The following DTL variants were observed in gnomAD, a reference collection of about 807,000 sequenced individuals.
DTL encodes denticleless protein homolog.
A neutral mutation model predicts 87.0 loss-of-function variants in DTL; 46 were observed. That is an observed-to-expected ratio of 0.53 (90% CI 0.42 to 0.68). The LOEUF (loss-of-function observed/expected upper bound fraction) is 0.68, where lower values mean the gene tolerates loss of function less well. Ranked by LOEUF, DTL falls within the 30% of genes least tolerant of loss-of-function variation. DTL has a pLI of 0.00. For synonymous variants in DTL, 308 were observed against 311.2 expected (o/e 0.99, Z 0.11); for missense variants, 737 against 869.4 (o/e 0.85, Z 1.91).
chr1:212,094,600 A>G (rs1156595510), intron 13 of DTL, among the ~76,000 whole-genome samples: 1 of 152,170 alleles, frequency 6.6e-6, no homozygotes, highest in Non-Finnish European at 1.5e-5. Flanking sequence ...TTTTGGTTCC[A>G]TATGACTTTT....
At chr1:212,080,419 C>A in intron 12 of DTL, 196 bp from the exon 13 acceptor site, 1 of 498,476 alleles carries the variant, frequency 2.0e-6, no homozygotes. Flanking sequence ...ACTAAAGAGT[C>A]AGCTTTGTTG....
Position 212,052,105 on chromosome 1 carries a change from T to A in DTL, c.460+4688T>A, listed in dbSNP as rs144995147. 4,175 of 709,934 alleles carry A rather than the reference T, an allele frequency of 5.9e-3. 25 individuals carry two copies. Among genetic ancestry groups the A allele is most frequent in the Middle Eastern group, 0.012 (36 of 2,892 alleles). 44.0% of individuals were successfully genotyped at this position (709,934 alleles called of 1,614,324 possible). On this transcript the variant is annotated intron_variant, in intron 5 of 14. Coordinates refer to ENST00000366991, the MANE Select transcript of DTL (RefSeq NM_016448.4). The stretch of plus-strand genomic sequence containing the variant: ...TTTTTCCTTTCATTGCTAAAGTTGT[T>A]CCACTATCATCTCTGCTTTCATTGA...
intron 13 of DTL, among the ~76,000 whole-genome samples, chr1:212,085,141 A>G (rs1234391211): frequency 1.3e-5 from 2 of 152,160 alleles, no homozygotes; most frequent in Admixed American, 6.5e-5. Context: ...AATATTTTCA[A>G]TTTGTAGTCA....
intron 13 of DTL, among the ~76,000 whole-genome samples, chr1:212,094,049 G>T (rs981590104): frequency 1.3e-5 from 2 of 152,188 alleles, no homozygotes. Flanking sequence ...CACTCTGTGG[G>T]TTCTTTGTTT....
chr1:212,100,725 G>A lies in DTL; in HGVS notation c.1735G>A (p.Gly579Ser), dbSNP rs752999076. ...TTGTAACTGTGTGACTGAGCTTGAT[G>A]GCCAAGTTGAAAATCTTCATTTGGA... ...KSCNCVTELD[G>S]QVENLHLDLC... Residue 579 changes from glycine to serine, a missense_variant, in exon 14 of 15, where the codon GGC (glycine) becomes AGC (serine). By Grantham distance (56) the Gly-to-Ser change is moderately conservative. Transcript: ENST00000366991. The A allele has an allele frequency of 3.1e-6, 5 of 1,614,118 alleles. No homozygotes were observed. Among genetic ancestry groups the A allele is most frequent in the East Asian group, 2.2e-5 (1 of 44,868 alleles).
At chr1:212,063,757 G>A (rs908290988) in intron 6 of DTL, among the ~76,000 whole-genome samples, 1 of 152,062 alleles carries the variant, frequency 6.6e-6, no homozygotes, top group Non-Finnish European at 1.5e-5. Context: ...ATTTTCAGGG[G>A]TATATGTGAT....
chr1:212,038,543 G>T (rs1667551256), intron 1 of DTL, among the ~76,000 whole-genome samples: 2 of 152,140 alleles, frequency 1.3e-5, no homozygotes, highest in African/African-American at 4.8e-5. Flanking sequence ...AAAATCTCTT[G>T]AATCCATCCT....
At chr1:212,068,075 C>CT in intron 8 of DTL, 149 bp from the exon 9 acceptor site, 1 of 563,870 alleles carries the variant, frequency 1.8e-6, no homozygotes, top group Non-Finnish European at 3.1e-6. Flanking sequence ...GTATAAGATA[C>CT]TTTAATTTGT....
Position 212,068,217 on chromosome 1 carries a change from T to G in DTL, c.714-7T>G. On this transcript the variant is annotated splice_region_variant and splice_polypyrimidine_tract_variant and intron_variant, in intron 8 of 14. Transcript: ENST00000366991. ...TCTACAAAATATTTATTTGCCTTGG[T>G]TTTTAGGATAATCAAAGTATGGGAT... is the stretch of plus-strand genomic sequence containing the variant. The G allele has an allele frequency of 1.3e-6, 2 of 1,583,956 alleles. No individual in the cohort carries two copies. The highest frequency in any genetic ancestry group is 1.7e-6 in the Non-Finnish European group (2 of 1,164,202).
In DTL at chr1:212,084,826, C is replaced by T. The variant is rs143519377; in HGVS notation, c.1261+4076C>T. Among the ~76,000 whole-genome samples the T allele has an allele frequency of 4.7e-4, 72 of 152,296 alleles. 1 individual carries two copies. Among genetic ancestry groups the T allele is most frequent in the African/African-American group, 1.6e-3 (66 of 41,576 alleles). ...TCATGATTTTGGTTAAATCAAGATA[C>T]AGCTCAGTTCCTTTTAGTATGCAGT... is the stretch of plus-strand genomic sequence containing the variant. On this transcript the variant is annotated intron_variant, in intron 13 of 14. Transcript: ENST00000366991.
chr1:212,056,746 CAG>C (rs1215173687), intron 5 of DTL, among the ~76,000 whole-genome samples: 2 of 151,854 alleles, frequency 1.3e-5, no homozygotes, highest in East Asian at 1.9e-4. Context: ...TACAAAGAAA[CAG>C]AAAAATAATT....
chr1:212,086,281 T>C (rs781172815), intron 13 of DTL, among the ~76,000 whole-genome samples: 3 of 152,136 alleles, frequency 2.0e-5, no homozygotes, highest in Admixed American at 6.5e-5. Flanking sequence ...ATATGTACTT[T>C]TCTCTCTCTC....
chr1:212,072,016 C>G (rs1205580574), intron 10 of DTL, 85 bp from the exon 11 acceptor site: 1 of 944,840 alleles, frequency 1.1e-6, no homozygotes, highest in Non-Finnish European at 1.7e-6. Context: ...AGTGATAAAA[C>G]TTGTTAGAAT....
At chr1:212,046,981 A>T (rs975842951) in intron 3 of DTL, among the ~76,000 whole-genome samples, 170 bp from the exon 4 acceptor site, 2 of 152,174 alleles carry the variant, frequency 1.3e-5, no homozygotes, top group African/African-American at 4.8e-5. Context: ...AATAATTGCC[A>T]TTCTGACTGA....
At chr1:212,079,120 T>C (rs1654919575) in intron 12 of DTL, among the ~76,000 whole-genome samples, 1 of 152,124 alleles carries the variant, frequency 6.6e-6, no homozygotes. Flanking sequence ...TCCTTATTGT[T>C]ACCATTTCTG....
chr1:212,038,811 A>T (rs1667559943), intron 1 of DTL, among the ~76,000 whole-genome samples: 2 of 152,206 alleles, frequency 1.3e-5, no homozygotes, highest in South Asian at 4.1e-4. Context: ...ACTTAAACAA[A>T]TGCAAAGAAT....
intron 10 of DTL, among the ~76,000 whole-genome samples, chr1:212,070,118 C>T (rs935794231): frequency 2.0e-5 from 3 of 152,098 alleles, no homozygotes; most frequent in South Asian, 4.2e-4. Context: ...AAAGATAAAG[C>T]GTGATCCTGA....
At chr1:212,082,518 G>A (rs1655017360) in intron 13 of DTL, among the ~76,000 whole-genome samples, 1 of 152,174 alleles carries the variant, frequency 6.6e-6, no homozygotes, top group South Asian at 2.1e-4. Flanking sequence ...TAAGCATGAG[G>A]GGATACTATC....
intron 14 of DTL, among the ~76,000 whole-genome samples, chr1:212,102,451 T>G (rs1279269287): frequency 6.6e-6 from 1 of 152,210 alleles, no homozygotes; most frequent in African/African-American, 2.4e-5. Context: ...TTTTTTACCT[T>G]TATATGATGA....
Sources: gnomAD v4.1 joint callset for allele counts (sites outside exome capture counted in the v4.1 genomes callset) on GRCh38, gnomAD v4.1.1 for gene constraint, MANE v1.5 for transcripts, NCBI Gene and HGNC (gene_info 2026-07-23, HGNC 2026-07-21) for gene names.